NYAP2: variants seen among roughly 807,000 people sequenced by gnomAD.
NYAP2 encodes neuronal tyrosine-phosphorylated phosphoinositide-3-kinase adapter 2.
A neutral mutation model predicts 50.4 loss-of-function variants in NYAP2; 23 were observed. That is an observed-to-expected ratio of 0.46 (90% CI 0.33 to 0.65). The LOEUF is 0.65. Among genes scored for constraint, NYAP2 ranks in the 30% least tolerant of loss-of-function variants. NYAP2 has a pLI of 0.02. For synonymous variants in NYAP2, 394 were observed against 365.2 expected (o/e 1.08, Z -0.90); for missense variants, 885 against 861.0 (o/e 1.03, Z -0.35).
At chr2:225,605,510 G>A (rs1009093024) in intron 5 of NYAP2, among the ~76,000 whole-genome samples, 6 of 152,138 alleles carry the variant, frequency 3.9e-5, no homozygotes, top group African/African-American at 1.2e-4. Context: ...TTCATTTATA[G>A]AGCAGCCTAG....
At chr2:225,545,934 G>C (rs1297082840) in intron 4 of NYAP2, among the ~76,000 whole-genome samples, 2 of 152,174 alleles carry the variant, frequency 1.3e-5, no homozygotes, top group African/African-American at 2.4e-5. Flanking sequence ...CATTCTTACA[G>C]ACTCATAGAT....
intron 4 of NYAP2, among the ~76,000 whole-genome samples, chr2:225,533,331 T>G (rs750687938): frequency 1.4e-4 from 22 of 152,164 alleles, no homozygotes; most frequent in Non-Finnish European, 2.8e-4. Context: ...TAAGGAGTCC[T>G]GTTGTTTATT....
In NYAP2 at chr2:225,504,442, C is replaced by T. The variant is rs187424126; in HGVS notation, c.222-8929C>T. 2.1e-4 allele frequency among the ~76,000 whole-genome samples: 32 copies of T among 152,138 alleles called. No homozygotes were observed. The East Asian group carries it at 4.4e-3, about 21-fold the overall frequency. On this transcript the variant is annotated intron_variant, in intron 3 of 6. Coordinates refer to ENST00000636099, the Ensembl canonical transcript of NYAP2. Reference sequence around the variant, plus strand: ...TGAATTTGGGGTGGGGGAGCAGGGGCGACAAACATTCAGTCTATAGCACCT... The same window carrying T: ...TGAATTTGGGGTGGGGGAGCAGGGGTGACAAACATTCAGTCTATAGCACCT...
At chr2:225,496,144 G>A (rs1574643661) in intron 3 of NYAP2, among the ~76,000 whole-genome samples, 1 of 152,266 alleles carries the variant, frequency 6.6e-6, no homozygotes, top group South Asian at 2.1e-4. Context: ...TTCCAAAAGG[G>A]GGTCAAAGGA....
chr2:225,541,779 T>C (rs963051495), intron 4 of NYAP2, among the ~76,000 whole-genome samples: 1 of 152,150 alleles, frequency 6.6e-6, no homozygotes, highest in African/African-American at 2.4e-5. Context: ...TCTAGGACTT[T>C]GTGGTTCCAT....
In NYAP2 at chr2:225,598,908, C is replaced by T. The variant is rs572222042; in HGVS notation, c.1618+15873C>T. Among the ~76,000 whole-genome samples, 13 of 152,316 alleles carry T rather than the reference C, an allele frequency of 8.5e-5. No homozygotes were observed. The East Asian group carries it at 2.5e-3, about 29-fold the overall frequency. Reference sequence around the variant, plus strand: ...AGCATGAGGCTTCTCCAGTTAAAAACAGCCCTGACCTACTTCCACGTGAAA... The same window carrying T: ...AGCATGAGGCTTCTCCAGTTAAAAATAGCCCTGACCTACTTCCACGTGAAA... On this transcript the variant is annotated intron_variant, in intron 5 of 6. Coordinates refer to ENST00000636099, the Ensembl canonical transcript of NYAP2.
intron 6 of NYAP2, among the ~76,000 whole-genome samples, chr2:225,640,327 T>A (rs1000744030): frequency 1.3e-5 from 2 of 152,250 alleles, no homozygotes; most frequent in African/African-American, 4.8e-5. Flanking sequence ...AGCAGCCATG[T>A]TACACATGTG....
In NYAP2 at chr2:225,512,650, TC is replaced by T. The variant is rs560682018; in HGVS notation, c.222-718del. ...TTTTTCTCCTTCCTTCCTTCCTCCC[TC>T]CCTTCCTCCCATCTTTCTTTGCTTG... On this transcript the variant is annotated intron_variant, in intron 3 of 6. Transcript: ENST00000636099. 6.7e-3 allele frequency among the ~76,000 whole-genome samples: 993 copies of T among 147,162 alleles called. 6 individuals carry two copies. The highest frequency in any genetic ancestry group is 0.01 in the Non-Finnish European group (669 of 65,292).
At chr2:225,637,708 G>A (rs1693445905) in intron 6 of NYAP2, among the ~76,000 whole-genome samples, 1 of 152,158 alleles carries the variant, frequency 6.6e-6, no homozygotes, top group Non-Finnish European at 1.5e-5. Flanking sequence ...GGAAAACTGT[G>A]ACTTCTGCTG....
chr2:225,484,070 T>C (rs1324980741), intron 3 of NYAP2, among the ~76,000 whole-genome samples: 1 of 152,252 alleles, frequency 6.6e-6, no homozygotes, highest in Non-Finnish European at 1.5e-5. Flanking sequence ...TCCACCACCA[T>C]AGTAAATGAA....
intron 3 of NYAP2, among the ~76,000 whole-genome samples, chr2:225,465,207 T>G (rs1689897756): frequency 6.6e-6 from 1 of 152,158 alleles, no homozygotes; most frequent in African/African-American, 2.4e-5. Context: ...TCTTTGCCAC[T>G]GGGACAAAAG....
At chr2:225,486,094 A>G (rs1690293836) in intron 3 of NYAP2, among the ~76,000 whole-genome samples, 1 of 152,124 alleles carries the variant, frequency 6.6e-6, no homozygotes, top group Non-Finnish European at 1.5e-5. Flanking sequence ...TCTCCTTATC[A>G]TGAGGCCACC....
the NYAP2 span, among the ~76,000 whole-genome samples, chr2:225,679,146 T>A: frequency 6.6e-6 from 1 of 152,166 alleles, no homozygotes; most frequent in Non-Finnish European, 1.5e-5. Flanking sequence ...CAATAACAAT[T>A]GCTTTTGGAA....
chr2:225,610,418 C>T (rs1692861359), intron 5 of NYAP2, among the ~76,000 whole-genome samples: 1 of 152,110 alleles, frequency 6.6e-6, no homozygotes, highest in Admixed American at 6.6e-5. Flanking sequence ...CATATTCACC[C>T]TTCATTACCT....
At chr2:225,538,454 G>T (rs993772278) in intron 4 of NYAP2, among the ~76,000 whole-genome samples, 2 of 152,228 alleles carry the variant, frequency 1.3e-5, no homozygotes, top group African/African-American at 4.8e-5. Context: ...AAGGTTTGAG[G>T]CTTGAACCCT....
In NYAP2 at chr2:225,409,762, A is replaced by G. The variant is rs1272543130; in HGVS notation, c.221+661A>G. On this transcript the variant is annotated intron_variant, in intron 3 of 6. Coordinates refer to ENST00000636099, the Ensembl canonical transcript of NYAP2. ...AGCGCTGACACCAAAAGAAGAATGC[A>G]TATCTTTTGATTTTTTAAAAAGAAT... Among the ~76,000 whole-genome samples the G allele has an allele frequency of 2.0e-5, 3 of 152,076 alleles. No homozygotes were observed. In the South Asian group the frequency reaches 6.2e-4, roughly 31 times the overall value.
intron 2 of NYAP2, among the ~76,000 whole-genome samples, chr2:225,401,687 G>A (rs10427277): frequency 0.034 from 5,135 of 152,002 alleles, 288 homozygotes; most frequent in African/African-American, 0.12. Flanking sequence ...TTTTGTTGGG[G>A]TGTCTCCATC....
intron 4 of NYAP2, among the ~76,000 whole-genome samples, chr2:225,530,576 G>T (rs559326986): frequency 6.6e-6 from 1 of 152,142 alleles, no homozygotes; most frequent in Non-Finnish European, 1.5e-5. Context: ...CTCCTTGAGG[G>T]TGTCTGTTGT....
chr2:225,518,243 G>T (rs929443714), intron 4 of NYAP2, among the ~76,000 whole-genome samples: 1 of 151,690 alleles, frequency 6.6e-6, no homozygotes, highest in Admixed American at 6.6e-5. Flanking sequence ...TATGTAAAAT[G>T]AAATTAGCTA....
Sources: allele counts gnomAD v4.1 joint callset (sites outside exome capture counted in the v4.1 genomes callset), GRCh38; gene constraint gnomAD v4.1.1; transcripts MANE v1.5; gene names NCBI Gene and HGNC (gene_info 2026-07-23, HGNC 2026-07-21).